The following RRAS2 variants were observed in gnomAD, a reference collection of about 807,000 sequenced individuals.
RRAS2 encodes the protein RAS related 2, also known as ras-related protein R-Ras2.
RRAS2 carries 7 observed loss-of-function variants against 27.6 expected under a neutral mutation model. The ratio of observed to expected loss-of-function variants is 0.25; its 90% CI spans 0.14 to 0.48. The LOEUF is 0.48. RRAS2 is among the 20% of genes least tolerant of loss of function. The probability of loss-of-function intolerance (pLI) is 0.99; values close to 1 mark genes in which losing one functional copy is unlikely to be tolerated. For missense variants in RRAS2, 178 were observed against 256.2 expected, an observed-to-expected ratio of 0.69 and a Z score of 2.08; for synonymous variants, 86 against 90.9, an observed-to-expected ratio of 0.95 and a Z score of 0.31.
chr11:14,290,641 G>A (rs1170061150), intron 4 of RRAS2, among the ~76,000 whole-genome samples: 2 of 152,160 alleles, frequency 1.3e-5, no homozygotes, highest in Admixed American at 6.5e-5. Context: ...GGCTGGAGGA[G>A]CAGGAAATAC....
chr11:14,308,059 T>C (rs887662033), intron 1 of RRAS2: 6 of 278,900 alleles, frequency 2.2e-5, no homozygotes, highest in African/African-American at 4.6e-5. Flanking sequence ...TCATTCAATA[T>C]GAATATAACC....
At chr11:14,336,260 G>C (rs1199036166) in intron 1 of RRAS2, among the ~76,000 whole-genome samples, 1 of 152,150 alleles carries the variant, frequency 6.6e-6, no homozygotes, top group Non-Finnish European at 1.5e-5. Context: ...TCTCCTGCCA[G>C]AGTGGTATCC....
Position 14,293,025 on chromosome 11 carries a change from G to A in RRAS2, c.408+1446C>T, listed in dbSNP as rs557552081. On this transcript the variant is annotated intron_variant, in intron 4 of 5. Coordinates refer to ENST00000256196, the MANE Select transcript of RRAS2 (RefSeq NM_012250.6). ...TGGGAGGCTGAGGCAGGAGAATGGCGTGAACCCGGGAGGCAGAGCTTGCAG... is the reference window on the plus strand; with the variant it reads ...TGGGAGGCTGAGGCAGGAGAATGGCATGAACCCGGGAGGCAGAGCTTGCAG... Among the ~76,000 whole-genome samples the A allele has an allele frequency of 6.7e-4, 101 of 150,700 alleles. 1 individual carries two copies. The highest frequency in any genetic ancestry group is 2.2e-3 in the African/African-American group (92 of 40,926).
chr11:14,334,378 T>C (rs530883021), intron 1 of RRAS2, among the ~76,000 whole-genome samples: 91 of 152,332 alleles, frequency 6.0e-4, no homozygotes, highest in African/African-American at 2.1e-3. Context: ...TTTTAAGATA[T>C]GAGAATTATT....
At chr11:14,304,689 G>A (rs1847793174) in intron 1 of RRAS2, among the ~76,000 whole-genome samples, 1 of 152,196 alleles carries the variant, frequency 6.6e-6, no homozygotes, top group South Asian at 2.1e-4. Context: ...ATTTCCCCAA[G>A]CACAATAAGG....
intron 1 of RRAS2, chr11:14,341,778 T>G (rs1364255781): frequency 8.8e-6 from 4 of 452,700 alleles, no homozygotes; most frequent in African/African-American, 8.0e-5. Flanking sequence ...CCTCAGAAAA[T>G]GTTATGAAAA....
chr11:14,327,680 T>C (rs782183094), intron 1 of RRAS2, among the ~76,000 whole-genome samples: 4 of 152,042 alleles, frequency 2.6e-5, no homozygotes, highest in Non-Finnish European at 5.9e-5. Context: ...ACCCAAACAA[T>C]ATAAATTTTC....
chr11:14,296,943 C>T (rs1847569910), intron 1 of RRAS2, among the ~76,000 whole-genome samples: 1 of 152,030 alleles, frequency 6.6e-6, no homozygotes, highest in Non-Finnish European at 1.5e-5. Context: ...GTGAAAGGAT[C>T]ACCTGAGCCC....
intron 1 of RRAS2, among the ~76,000 whole-genome samples, chr11:14,316,734 C>T (rs1591466949): frequency 6.6e-6 from 1 of 152,102 alleles, no homozygotes; most frequent in South Asian, 2.1e-4. Context: ...AAAATAAGAC[C>T]CTGTTTCAAA....
rs546826655 is a variant in RRAS2 at position 14,279,248 on chromosome 11, C to T, written c.*89G>A. 7.4e-6 allele frequency: 7 copies of T among 942,576 alleles called. No homozygotes were observed. The highest frequency in any genetic ancestry group is 6.9e-5 in the Admixed American group (4 of 57,942). The allele number at this position is 942,576 out of a possible 1,614,324, so 58.4% of individuals were successfully genotyped here. On this transcript the variant is annotated 3_prime_UTR_variant, in exon 6 of 6. Transcript: ENST00000256196. ...TAACATGGTGATCATTTGTCTAAGG[C>T]TAGAAAGGTACCAACAAGATGTAAA...
chr11:14,305,248 C>T (rs1847805836), intron 1 of RRAS2, among the ~76,000 whole-genome samples: 2 of 152,174 alleles, frequency 1.3e-5, no homozygotes, highest in African/African-American at 2.4e-5. Context: ...AGTACAAAGT[C>T]AGCTTACAAA....
rs557823827 is a variant in RRAS2, at chr11:14,298,171, G to T, written c.109-2316C>A. 2.6e-5 allele frequency among the ~76,000 whole-genome samples: 4 copies of T among 152,266 alleles called. No homozygotes were observed. In the South Asian group the frequency reaches 8.3e-4, roughly 32 times the overall value. ...ATAAAGCATGCGCTGTACTTTTTAA[G>T]ATTCATTTCTTGAAACATGTTTCCC... On this transcript the variant is annotated intron_variant, in intron 1 of 5. Transcript: ENST00000256196.
intron 1 of RRAS2, among the ~76,000 whole-genome samples, chr11:14,321,878 G>C (rs1286260160): frequency 6.6e-6 from 1 of 152,016 alleles, no homozygotes; most frequent in South Asian, 2.1e-4. Context: ...GTGGCTTCTG[G>C]TATAATTCCT....
At chr11:14,303,816 A>T (rs1214151024) in intron 1 of RRAS2, among the ~76,000 whole-genome samples, 1 of 152,154 alleles carries the variant, frequency 6.6e-6, no homozygotes, top group East Asian at 1.9e-4. Context: ...TGGGAACTGA[A>T]GCAGTGGGAA....
intron 1 of RRAS2, among the ~76,000 whole-genome samples, chr11:14,296,711 T>C (rs1847561193): frequency 6.6e-6 from 1 of 152,166 alleles, no homozygotes; most frequent in African/African-American, 2.4e-5. Context: ...TTTTCATTAG[T>C]AGGAACCTCA....
Position 14,359,110 on chromosome 11 carries a change from G to C in RRAS2, c.-240C>G, listed in dbSNP as rs984683980. Reference sequence around the variant, plus strand: ...CACGGGCCAGGGGCGGCAGCGGCCGGGGGGCGCGCTCCTCTACGCGTCTCC... The same window carrying C: ...CACGGGCCAGGGGCGGCAGCGGCCGCGGGGCGCGCTCCTCTACGCGTCTCC... On this transcript the variant is annotated 5_prime_UTR_variant, in exon 1 of 6. Transcript: ENST00000256196. 81 of 1,057,386 alleles carry C rather than the reference G, an allele frequency of 7.7e-5. No homozygotes were observed. Among genetic ancestry groups the C allele is most frequent in the African/African-American group, 7.1e-4 (42 of 59,192 alleles). 65.5% of individuals were successfully genotyped at this position (1,057,386 alleles called of 1,614,324 possible).
intron 4 of RRAS2, among the ~76,000 whole-genome samples, chr11:14,291,736 C>G (rs1554945818): frequency 6.6e-6 from 1 of 151,442 alleles, no homozygotes; most frequent in Non-Finnish European, 1.5e-5. Flanking sequence ...GATATACAAA[C>G]AAAGCCAGTG....
chr11:14,349,514 A>G (rs1848908221), intron 1 of RRAS2, among the ~76,000 whole-genome samples: 1 of 152,066 alleles, frequency 6.6e-6, no homozygotes, highest in South Asian at 2.1e-4. Context: ...TGCAATTCCA[A>G]TCAAACATCA....
At chr11:14,314,140 A>G (rs2047937659) in intron 1 of RRAS2, among the ~76,000 whole-genome samples, 1 of 152,260 alleles carries the variant, frequency 6.6e-6, no homozygotes, top group African/African-American at 2.4e-5. Context: ...TGTGAGCTAA[A>G]TAACCTGATC....
Sources: gnomAD v4.1 joint callset for allele counts (sites outside exome capture counted in the v4.1 genomes callset) on GRCh38, gnomAD v4.1.1 for gene constraint, MANE v1.5 for transcripts, NCBI Gene and HGNC (gene_info 2026-07-23, HGNC 2026-07-21) for gene names.